IFFO2: variants seen among roughly 807,000 people sequenced by gnomAD.
IFFO2 encodes the protein intermediate filament family orphan 2.
A neutral mutation model predicts 53.5 loss-of-function variants in IFFO2; 19 were observed. The observed-to-expected ratio is 0.36, with a 90% CI of 0.25 to 0.52. The LOEUF (loss-of-function observed/expected upper bound fraction) is 0.52, where lower values mean the gene tolerates loss of function less well. Ranked by LOEUF, IFFO2 falls within the 20% of genes least tolerant of loss-of-function variation. IFFO2 has a pLI of 0.94. For synonymous variants in IFFO2, 303 were observed against 313.6 expected, an observed-to-expected ratio of 0.97 and a Z score of 0.36; for missense variants, 570 against 727.4, an observed-to-expected ratio of 0.78 and a Z score of 2.49.
chr1:18,917,141 A>G lies in IFFO2; in HGVS notation c.964-99T>C. 1.5e-6 allele frequency: 2 copies of G among 1,365,544 alleles called. No individual in the cohort carries two copies. Among genetic ancestry groups the G allele is most frequent in the South Asian group, 1.4e-5 (1 of 73,518 alleles). The allele number at this position is 1,365,544 out of a possible 1,614,324, so 84.6% of individuals were successfully genotyped here. A position where few individuals can be genotyped will look rare whatever the true frequency, so the allele number is the denominator to read the frequency against. Reference sequence around the variant, plus strand: ...GGAGCCGGCATCTCACAGGATGATGAGCGTGACTGGGGCCGGCCAGTGCCA... The same window carrying G: ...GGAGCCGGCATCTCACAGGATGATGGGCGTGACTGGGGCCGGCCAGTGCCA... On this transcript the variant is annotated intron_variant, in intron 4 of 8. Coordinates refer to ENST00000455833, the MANE Select transcript of IFFO2 (RefSeq NM_001136265.2). This position sits in a 1 kb window ranked among gnomAD's most constrained non-coding sequence, Gnocchi z 5.9.
intron 1 of IFFO2, among the ~76,000 whole-genome samples, chr1:18,951,431 T>C (rs2148192973): frequency 6.6e-6 from 1 of 152,240 alleles, no homozygotes; most frequent in Non-Finnish European, 1.5e-5. Flanking sequence ...GGGGGGCGCA[T>C]ACAGTCAGCC....
At chr1:18,930,061 G>A (rs536682959) in intron 1 of IFFO2, among the ~76,000 whole-genome samples, 2 of 152,218 alleles carry the variant, frequency 1.3e-5, no homozygotes, top group Admixed American at 6.5e-5. Context: ...GAGCCAGAGG[G>A]TCCTGGGATC....
intron 1 of IFFO2, among the ~76,000 whole-genome samples, chr1:18,933,648 C>T (rs998020618): frequency 6.6e-6 from 1 of 152,128 alleles, no homozygotes; most frequent in African/African-American, 2.4e-5. Context: ...GTCCCAGATA[C>T]TCAGGAGGCT....
chr1:18,924,751 C>G (rs998192977), intron 1 of IFFO2, among the ~76,000 whole-genome samples: 1 of 152,178 alleles, frequency 6.6e-6, no homozygotes, highest in Non-Finnish European at 1.5e-5. Flanking sequence ...TCGAGTCTCC[C>G]TCAGCAGTCC....
chr1:18,942,537 G>A (rs1029499769), intron 1 of IFFO2, among the ~76,000 whole-genome samples: 3 of 152,186 alleles, frequency 2.0e-5, no homozygotes, highest in Non-Finnish European at 4.4e-5. Context: ...ACAGATGAGA[G>A]AACTGAGGCT....
chr1:18,910,504 G>T, intron 7 of IFFO2, 32 bp from the exon 8 acceptor site: 1 of 1,592,448 alleles, frequency 6.3e-7, no homozygotes. Flanking sequence ...TAAGGGTGAG[G>T]GCAAGTCATC....
At position 18,956,040 on chromosome 1, in the gene IFFO2, T is replaced by C. The variant is rs1477260781; in HGVS notation, c.293A>G (p.Tyr98Cys). The stretch of plus-strand genomic sequence containing the variant: ...GGCCTGCTCGCGGGAGAAGGTCTTG[T>C]AGCGCAGCCGCCGCTCGCGCTCGCT... ...QQSERERRLR[Y>C]KTFSREQAVQ... Residue 98 changes from tyrosine to cysteine, a missense_variant, in exon 1 of 9, where the codon TAC becomes TGC. Tyr to Cys is a radical substitution (Grantham distance 194). Coordinates refer to ENST00000455833, the MANE Select transcript of IFFO2 (RefSeq NM_001136265.2). The surrounding 1 kb of genome is among the most constrained non-coding windows in gnomAD (Gnocchi z 6.4). 3.4e-6 allele frequency: 5 copies of C among 1,465,648 alleles called. No individual in the cohort carries two copies. In the East Asian group the frequency reaches 8.4e-5, roughly 25 times the overall value. 90.8% of individuals were successfully genotyped at this position (1,465,648 alleles called of 1,614,324 possible).
chr1:18,919,110 C>T lies in IFFO2; in HGVS notation c.822+568G>A, dbSNP rs1936177633. 6.6e-6 allele frequency among the ~76,000 whole-genome samples: 1 copy of T among 152,188 alleles called. No homozygotes were observed. Among genetic ancestry groups the T allele is most frequent in the African/African-American group, 2.4e-5 (1 of 41,446 alleles). On this transcript the variant is annotated intron_variant, in intron 3 of 8. Coordinates refer to ENST00000455833, the MANE Select transcript of IFFO2 (RefSeq NM_001136265.2). This position sits in a 1 kb window ranked among gnomAD's most constrained non-coding sequence, Gnocchi z 4.9. Reference sequence around the variant, plus strand: ...TCTGGTGGGGTCTCCCCCTGTACTGCCCACTGTTTGAAGGGGAGGAGACCT... The same window carrying T: ...TCTGGTGGGGTCTCCCCCTGTACTGTCCACTGTTTGAAGGGGAGGAGACCT...
Position 18,918,857 on chromosome 1 carries a change from C to T in IFFO2, c.823-355G>A, listed in dbSNP as rs976787136. Reference sequence around the variant, plus strand: ...AGCCCTTCTTTTCCCACCGGCACACCCCACCTGTCCCCCACACAGGCAGCT... The same window carrying T: ...AGCCCTTCTTTTCCCACCGGCACACTCCACCTGTCCCCCACACAGGCAGCT... On this transcript the variant is annotated intron_variant, in intron 3 of 8. Coordinates refer to ENST00000455833, the MANE Select transcript of IFFO2 (RefSeq NM_001136265.2). The surrounding 1 kb of genome is among the most constrained non-coding windows in gnomAD (Gnocchi z 5.2). Among the ~76,000 whole-genome samples the T allele has an allele frequency of 1.3e-5, 2 of 152,082 alleles. No individual in the cohort carries two copies. Among genetic ancestry groups the T allele is most frequent in the Admixed American group, 6.5e-5 (1 of 15,284 alleles).
At chr1:18,950,666 G>A (rs1328260782) in intron 1 of IFFO2, among the ~76,000 whole-genome samples, 1 of 152,242 alleles carries the variant, frequency 6.6e-6, no homozygotes, top group African/African-American at 2.4e-5. Context: ...AATGGGAGTG[G>A]CAGGGAACAA....
At chr1:18,914,664 C>CA (rs71577804) in intron 5 of IFFO2, among the ~76,000 whole-genome samples, 12,314 of 150,556 alleles carry the variant, frequency 0.082, 671 homozygotes, top group East Asian at 0.2. Context: ...TAAAAAAATA[C>CA]AAAAAAAAAT....
At chr1:18,921,866 G>A (rs1368702871) in intron 1 of IFFO2, among the ~76,000 whole-genome samples, 1 of 152,112 alleles carries the variant, frequency 6.6e-6, no homozygotes, top group East Asian at 1.9e-4. Flanking sequence ...GGGCGGGAGG[G>A]GAGAAGGCAA....
chr1:18,923,973 T>C (rs1049445129), intron 1 of IFFO2, among the ~76,000 whole-genome samples: 35 of 152,184 alleles, frequency 2.3e-4, no homozygotes, highest in African/African-American at 8.2e-4. Flanking sequence ...CAGGATGAGC[T>C]TGCACAAATG....
intron 1 of IFFO2, among the ~76,000 whole-genome samples, chr1:18,925,997 TGGATTGGTTGGATGGA>T (rs1557643253): frequency 1.2e-4 from 11 of 92,024 alleles, no homozygotes; most frequent in East Asian, 6.8e-4. Context: ...GATGGATGGA[TGGATTGGTTGGATGGA>T]TGGATGGATG....
intron 1 of IFFO2, among the ~76,000 whole-genome samples, chr1:18,923,811 G>T (rs1936246608): frequency 6.6e-6 from 1 of 152,156 alleles, no homozygotes; most frequent in Non-Finnish European, 1.5e-5. Flanking sequence ...CAGCTCCCCA[G>T]TGATGCTGGG....
At position 18,955,932 on chromosome 1, in the gene IFFO2, T is replaced by C. The variant is rs1194051007; in HGVS notation, c.401A>G (p.Asn134Ser). The part of the protein sequence containing the change: ...GLSSGAAAGA[N>S]ANAVALGGLP... Reference sequence around the variant, plus strand: ...GCCGCCCAGGGCCACGGCATTGGCGTTGGCGCCGGCCGCCGCGCCACTGCT... The same window carrying C: ...GCCGCCCAGGGCCACGGCATTGGCGCTGGCGCCGGCCGCCGCGCCACTGCT... Residue 134 changes from asparagine (N) to serine (S), a missense_variant, in exon 1 of 9, where the codon AAC (asparagine) becomes AGC (serine). Transcript: ENST00000455833. 1 of 1,273,192 alleles carries C rather than the reference T, an allele frequency of 7.9e-7. No homozygotes were observed. The highest frequency in any genetic ancestry group is 9.8e-7 in the Non-Finnish European group (1 of 1,015,880). 78.9% of individuals were successfully genotyped at this position (1,273,192 alleles called of 1,614,324 possible).
In IFFO2 at chr1:18,919,343, GC is replaced by G. The variant is rs1936181697; in HGVS notation, c.822+334del. ...CCCAACCTGCCAGACGCCCTGCTAC[GC>G]CCAGACACCGAGGCCTGCCCTCATC... On this transcript the variant is annotated intron_variant, in intron 3 of 8. Transcript: ENST00000455833. This position sits in a 1 kb window ranked among gnomAD's most constrained non-coding sequence, Gnocchi z 4.9. Among the ~76,000 whole-genome samples, 1 of 152,196 alleles carries G rather than the reference GC, an allele frequency of 6.6e-6. No individual in the cohort carries two copies. Among genetic ancestry groups the G allele is most frequent in the African/African-American group, 2.4e-5 (1 of 41,454 alleles).
intron 1 of IFFO2, among the ~76,000 whole-genome samples, chr1:18,922,869 G>C (rs535264891): frequency 6.6e-6 from 1 of 152,182 alleles, no homozygotes; most frequent in African/African-American, 2.4e-5. Context: ...TCCGGTCCCA[G>C]GCCACCTCTC....
rs1304064185 is a variant in IFFO2, at chr1:18,916,332, G to A, written c.1103+571C>T. 2.6e-5 allele frequency among the ~76,000 whole-genome samples: 4 copies of A among 152,300 alleles called. No individual in the cohort carries two copies. The highest frequency in any genetic ancestry group is 6.5e-5 in the Admixed American group (1 of 15,302). On this transcript the variant is annotated intron_variant, in intron 5 of 8. Transcript: ENST00000455833. The surrounding 1 kb of genome is among the most constrained non-coding windows in gnomAD (Gnocchi z 4.3). Reference sequence around the variant, plus strand: ...GACAGGGAACATAAAGGATGCTGGCGAATGGAAGAGTATGCGCCTGTCCAG... The same window carrying A: ...GACAGGGAACATAAAGGATGCTGGCAAATGGAAGAGTATGCGCCTGTCCAG...
Sources: gnomAD v4.1 joint callset for allele counts (sites outside exome capture counted in the v4.1 genomes callset) on GRCh38, gnomAD v4.1.1 for gene constraint, Gnocchi (gnomAD v3.1) non-coding constraint, MANE v1.5 for transcripts, NCBI Gene and HGNC (gene_info 2026-07-23, HGNC 2026-07-21) for gene names.